UGT1A4: variants seen among roughly 807,000 people sequenced by gnomAD.
UGT1A4 encodes the protein UDP glucuronosyltransferase family 1 member A4, also known as UDP-glucuronosyltransferase 1A4.
Under a neutral mutation model 41.1 loss-of-function variants are expected in UGT1A4, and 32 were observed. That is an observed-to-expected ratio of 0.78 (90% CI 0.59 to 1.05). The LOEUF (loss-of-function observed/expected upper bound fraction) is 1.05, where lower values mean the gene tolerates loss of function less well. Ranked by LOEUF, UGT1A4 falls within the 50% of genes least tolerant of loss-of-function variation. The probability of loss-of-function intolerance (pLI) is 0.00; values close to 1 mark genes in which losing one functional copy is unlikely to be tolerated. For missense variants in UGT1A4, 748 were observed against 677.4 expected (o/e 1.10, Z -1.16); for synonymous variants, 283 against 265.1 (o/e 1.07, Z -0.66).
At chr2:233,751,329 G>A (rs1694703475) in intron 1 of UGT1A4, among the ~76,000 whole-genome samples, 1 of 151,722 alleles carries the variant, frequency 6.6e-6, no homozygotes, top group Non-Finnish European at 1.5e-5. Flanking sequence ...CCCCCATTGT[G>A]TCTTGGAAGT....
chr2:233,746,855 T>A (rs1362666040), intron 1 of UGT1A4, among the ~76,000 whole-genome samples: 2 of 151,774 alleles, frequency 1.3e-5, no homozygotes, highest in Non-Finnish European at 2.9e-5. Flanking sequence ...AGACCTCAGC[T>A]GCAGCCTGAT....
At chr2:233,730,044 A>T (rs2361501) in intron 1 of UGT1A4, 750,246 of 1,611,504 alleles carry the variant, frequency 0.47, 182,645 homozygotes, top group African/African-American at 0.81. Flanking sequence ...AACACTTTTT[A>T]AAAAAATGTA....
At chr2:233,729,553 G>A in intron 1 of UGT1A4, 1 of 1,614,176 alleles carries the variant, frequency 6.2e-7, no homozygotes, top group Middle Eastern at 1.7e-4. Context: ...GCACCTGAAT[G>A]CTACTTCCTT....
rs1700559887 is a variant in UGT1A4, at chr2:233,772,963, A to G, written c.*404A>G. On this transcript the variant is annotated 3_prime_UTR_variant, in exon 5 of 5. Coordinates refer to ENST00000373409, the MANE Select transcript of UGT1A4 (RefSeq NM_007120.3). ...TGGCTTCTGCAGATGGTTGCAATTG[A>G]TCCTTAACCAATAATGGTCAGTCCT... 3.2e-6 allele frequency: 1 copy of G among 310,458 alleles called. No homozygotes were observed. Among genetic ancestry groups the G allele is most frequent in the South Asian group, 3.3e-5 (1 of 30,404 alleles). 19.2% of individuals were successfully genotyped at this position (310,458 alleles called of 1,614,324 possible).
Position 233,772,392 on chromosome 2 carries a change from C to T in UGT1A4, c.1438C>T (p.His480Tyr), listed in dbSNP as rs753109787. 4 of 1,614,252 alleles carry T rather than the reference C, an allele frequency of 2.5e-6. No homozygotes were observed. Among genetic ancestry groups the T allele is most frequent in the East Asian group, 2.2e-5 (1 of 44,876 alleles). ...KGAPHLRPAA[H>Y]DLTWYQYHSL... is the part of the protein sequence containing the mutation. Reference sequence around the variant, plus strand: ...CGCGCCACACCTGCGCCCCGCAGCCCACGACCTCACCTGGTACCAGTACCA... The same window carrying T: ...CGCGCCACACCTGCGCCCCGCAGCCTACGACCTCACCTGGTACCAGTACCA... Residue 480 changes from histidine (H) to tyrosine (Y), a missense_variant, in exon 5 of 5, where the codon CAC (histidine) becomes TAC (tyrosine). Coordinates refer to ENST00000373409, the MANE Select transcript of UGT1A4 (RefSeq NM_007120.3).
chr2:233,729,561 C>A (rs760200392), intron 1 of UGT1A4: 3 of 1,614,102 alleles, frequency 1.9e-6, no homozygotes, highest in Non-Finnish European at 2.5e-6. Flanking sequence ...ATGCTACTTC[C>A]TTTGATGTGG....
intron 1 of UGT1A4, among the ~76,000 whole-genome samples, chr2:233,740,284 G>A (rs932768125): frequency 2.0e-5 from 3 of 151,852 alleles, no homozygotes; most frequent in African/African-American, 7.3e-5. Flanking sequence ...ATACTGAAAG[G>A]GTTTAAAGGA....
At chr2:233,735,001 G>A (rs76924132) in intron 1 of UGT1A4, among the ~76,000 whole-genome samples, 2 of 152,186 alleles carry the variant, frequency 1.3e-5, no homozygotes, top group African/African-American at 4.8e-5. Flanking sequence ...TTGACTTAGG[G>A]TGGAGAGTTC....
chr2:233,734,069 C>T (rs2078473996), intron 1 of UGT1A4, among the ~76,000 whole-genome samples: 1 of 152,054 alleles, frequency 6.6e-6, no homozygotes, highest in South Asian at 2.1e-4. Context: ...AACAAACCTG[C>T]ACATTGTGCA....
At chr2:233,722,301 CCTTA>C (rs1342676069) in intron 1 of UGT1A4, among the ~76,000 whole-genome samples, 2 of 152,042 alleles carry the variant, frequency 1.3e-5, no homozygotes, top group Non-Finnish European at 2.9e-5. Context: ...ATTTTGTCAC[CCTTA>C]CTTACTTGGT....
At chr2:233,770,680 G>T (rs940972002) in intron 4 of UGT1A4, 1 of 151,464 alleles carries the variant, frequency 6.6e-6, no homozygotes, top group African/African-American at 2.4e-5. Flanking sequence ...AAAAAAGAAG[G>T]TTCCAAGAAA....
intron 4 of UGT1A4, 143 bp downstream of exon 4, chr2:233,768,582 CTTTTTTTTTTTT>C (rs139595073): frequency 1.3e-5 from 13 of 1,033,070 alleles, no homozygotes; most frequent in Admixed American, 4.7e-5. Context: ...TTTATTTCTT[CTTTTTTTTTTTT>C]TTTTTTTTTT....
intron 1 of UGT1A4, among the ~76,000 whole-genome samples, chr2:233,762,377 A>T (rs182919265): frequency 5.6e-4 from 86 of 152,370 alleles, no homozygotes; most frequent in African/African-American, 2.0e-3. Context: ...ACCAATATGT[A>T]TATAGAAACA....
At chr2:233,772,125 C>T in intron 4 of UGT1A4, 137 bp from the exon 5 acceptor site, 1 of 1,536,166 alleles carries the variant, frequency 6.5e-7, no homozygotes, top group South Asian at 1.2e-5. Flanking sequence ...AAAACAACAA[C>T]AACAACAATA....
rs187295904 is a variant in UGT1A4 at position 233,750,155 on chromosome 2, A to G, written c.868-16879A>G. 9.7e-4 allele frequency among the ~76,000 whole-genome samples: 148 copies of G among 152,026 alleles called. 1 individual carries two copies. Among genetic ancestry groups the G allele is most frequent in the Non-Finnish European group, 1.5e-3 (103 of 68,038 alleles). ...TTGGAACTTCCTAGAGACTTGTTGA[A>G]TGGTTTTGACCAAAATGCTGATAAT... On this transcript the variant is annotated intron_variant, in intron 1 of 4. Coordinates refer to ENST00000373409, the MANE Select transcript of UGT1A4 (RefSeq NM_007120.3).
chr2:233,719,730 C>T (rs2011219), intron 1 of UGT1A4, 43 bp downstream of exon 1: 110,168 of 1,613,484 alleles, frequency 0.068, 5,029 homozygotes, highest in South Asian at 0.18. Flanking sequence ...CCAGGCAAAA[C>T]ACTTTTTAAA....
intron 1 of UGT1A4, chr2:233,761,003 A>G: frequency 6.2e-7 from 1 of 1,614,128 alleles, no homozygotes. Context: ...GAATTCCTTC[A>G]GAGAGAGGTG....
chr2:233,730,056 T>A, intron 1 of UGT1A4: 2 of 1,611,732 alleles, frequency 1.2e-6, no homozygotes, highest in Non-Finnish European at 8.5e-7. Context: ...AAAAATGTAT[T>A]TATTTAAAAT....
rs1309329692 is a variant in UGT1A4, at chr2:233,769,709, G to A, written c.1307+1270G>A. 5 of 1,509,378 alleles carry A rather than the reference G, an allele frequency of 3.3e-6. No homozygotes were observed. The highest frequency in any genetic ancestry group is 2.0e-5 in the Admixed American group (1 of 49,512). The allele number at this position is 1,509,378 out of a possible 1,614,324, so 93.5% of individuals were successfully genotyped here. A position where few individuals can be genotyped will look rare whatever the true frequency, so the allele number is the denominator to read the frequency against. ...GGCACTGGATAAAAGATCAATGTTG[G>A]CTAGGCACCATGGCACACGCCTGTA... On this transcript the variant is annotated intron_variant, in intron 4 of 4. Transcript: ENST00000373409. The surrounding 1 kb of genome is among the most constrained non-coding windows in gnomAD (Gnocchi z 4.4).
Sources: gnomAD v4.1 joint callset for allele counts (sites outside exome capture counted in the v4.1 genomes callset) on GRCh38, gnomAD v4.1.1 for gene constraint, Gnocchi (gnomAD v3.1) non-coding constraint, MANE v1.5 for transcripts, NCBI Gene and HGNC (gene_info 2026-07-23, HGNC 2026-07-21) for gene names.